WIPI2: variants seen among roughly 807,000 people sequenced by gnomAD.
WIPI2 encodes the protein WD repeat domain phosphoinositide-interacting protein 2.
WIPI2 carries 28 observed loss-of-function variants against 52.3 expected under a neutral mutation model. That is an observed-to-expected ratio of 0.54 (90% CI 0.40 to 0.73). The LOEUF (loss-of-function observed/expected upper bound fraction) is 0.73. Among genes scored for constraint, WIPI2 ranks in the 30% least tolerant of loss-of-function variants. The pLI, the probability that WIPI2 is intolerant of heterozygous loss-of-function variation, is 0.00. For missense variants in WIPI2, 506 were observed against 602.9 expected, an observed-to-expected ratio of 0.84 and a Z score of 1.68; for synonymous variants, 268 against 245.0, an observed-to-expected ratio of 1.09 and a Z score of -0.88.
chr7:5,208,877 G>C lies in WIPI2; in HGVS notation c.212-5658G>C, dbSNP rs773360557. Among the ~76,000 whole-genome samples the C allele has an allele frequency of 4.9e-4, 74 of 152,098 alleles. 1 individual carries two copies. Among genetic ancestry groups the C allele is most frequent in the Non-Finnish European group, 7.4e-5 (5 of 68,014 alleles). On this transcript the variant is annotated intron_variant, in intron 3 of 12. Coordinates refer to ENST00000288828, the MANE Select transcript of WIPI2 (RefSeq NM_015610.4). ...CACTTTGTCTGCAAAAGAGCCTGTT[G>C]GGATTATGATTAGGATGGGATTGGA...
rs756655015 is a variant in WIPI2 at position 5,199,556 on chromosome 7, T to C, written c.129-20T>C. On this transcript the variant is annotated intron_variant, in intron 2 of 12. Transcript: ENST00000288828. ...GTCTGCACGTATCAGCTCTTATTTC[T>C]GAATTTGGCTTTTTTGCAGGTCCCT... 1.8e-5 allele frequency: 29 copies of C among 1,600,584 alleles called. No homozygotes were observed. The highest frequency in any genetic ancestry group is 1.3e-4 in the Admixed American group (7 of 55,982).
chr7:5,211,004 G>C (rs1008544025), intron 3 of WIPI2, among the ~76,000 whole-genome samples: 7 of 152,234 alleles, frequency 4.6e-5, no homozygotes, highest in African/African-American at 1.7e-4. Context: ...ACGACACTCA[G>C]CACTGTGCCA....
intron 7 of WIPI2, among the ~76,000 whole-genome samples, chr7:5,220,488 C>T (rs1783064113): frequency 6.6e-6 from 1 of 151,942 alleles, no homozygotes; most frequent in South Asian, 2.1e-4. Context: ...ATCCACCCGC[C>T]TTGGCCTCCC....
At chr7:5,216,989 GT>G in intron 5 of WIPI2, 100 bp from the exon 6 acceptor site, 1 of 1,214,224 alleles carries the variant, frequency 8.2e-7, no homozygotes, top group Non-Finnish European at 1.2e-6. Flanking sequence ...GCTATTATTT[GT>G]TCCTAATGCT....
chr7:5,191,341 C>T (rs1428468724), intron 1 of WIPI2, among the ~76,000 whole-genome samples: 1 of 152,144 alleles, frequency 6.6e-6, no homozygotes, highest in Non-Finnish European at 1.5e-5. Flanking sequence ...CTTTTTGGGA[C>T]ATCAACTTTG....
At chr7:5,229,809 T>C (rs1323043751) in intron 12 of WIPI2, 71 bp downstream of exon 12, 18 of 1,582,518 alleles carry the variant, frequency 1.1e-5, no homozygotes, top group Non-Finnish European at 1.5e-5. Context: ...TTCTGCTGGC[T>C]CCGGAGCCAC....
Position 5,231,051 on chromosome 7 carries a change from G to T in WIPI2, c.*104G>T. On this transcript the variant is annotated 3_prime_UTR_variant, in exon 13 of 13. Coordinates refer to ENST00000288828, the MANE Select transcript of WIPI2 (RefSeq NM_015610.4). ...TTGACCTGAGTCGGGGGAGAGGATG[G>T]CAGAGACTTTATTAAAAAAAAAAAA... is the stretch of plus-strand genomic sequence containing the variant. The T allele has an allele frequency of 3.5e-6, 3 of 849,610 alleles. No individual in the cohort carries two copies. Among genetic ancestry groups the T allele is most frequent in the East Asian group, 6.2e-5 (2 of 32,438 alleles). The allele number at this position is 849,610 out of a possible 1,614,324, so 52.6% of individuals were successfully genotyped here.
At chr7:5,193,564 C>G (rs1309849547) in intron 2 of WIPI2, among the ~76,000 whole-genome samples, 1 of 152,096 alleles carries the variant, frequency 6.6e-6, no homozygotes, top group African/African-American at 2.4e-5. Context: ...ATCTGTAAAT[C>G]AAGGGTTTGG....
chr7:5,231,086 T>C lies in WIPI2; in HGVS notation c.*139T>C. 1 of 571,372 alleles carries C rather than the reference T, an allele frequency of 1.8e-6. No homozygotes were observed. Among genetic ancestry groups the C allele is most frequent in the South Asian group, 3.1e-5 (1 of 32,424 alleles). 35.4% of individuals were successfully genotyped at this position (571,372 alleles called of 1,614,324 possible). ...TATTAAAAAAAAAAAAAGATTGTAG[T>C]GGTAGTCTAACTCCATAACGCTGAG... On this transcript the variant is annotated 3_prime_UTR_variant, in exon 13 of 13. Coordinates refer to ENST00000288828, the MANE Select transcript of WIPI2 (RefSeq NM_015610.4).
chr7:5,203,349 G>T (rs953001242), intron 3 of WIPI2, among the ~76,000 whole-genome samples: 1 of 152,190 alleles, frequency 6.6e-6, no homozygotes, highest in Non-Finnish European at 1.5e-5. Context: ...TGGCGGAGCC[G>T]CAGACACACA....
chr7:5,209,013 A>ATTTTTTTTTTTTTTTTTTTTTTTT (rs55697377), intron 3 of WIPI2, among the ~76,000 whole-genome samples: 1 of 92,904 alleles, frequency 1.1e-5, no homozygotes, highest in Non-Finnish European at 2.1e-5. Context: ...ATATTCTGTG[A>ATTTTTTTTTTTTTTTTTTTTTTTT]TTTTTTTTTT....
At chr7:5,212,129 G>A (rs1203494797) in intron 3 of WIPI2, among the ~76,000 whole-genome samples, 1 of 152,148 alleles carries the variant, frequency 6.6e-6, no homozygotes, top group Non-Finnish European at 1.5e-5. Flanking sequence ...TGGTCATAAG[G>A]TCCATTCCAT....
At chr7:5,217,738 T>C (rs1297687063) in intron 6 of WIPI2, 184 bp from the exon 7 acceptor site, 1 of 652,776 alleles carries the variant, frequency 1.5e-6, no homozygotes, top group Middle Eastern at 4.3e-4. Context: ...TGCTTTGCTT[T>C]TTCTAAAGTT....
chr7:5,192,355 G>A (rs879275731), intron 1 of WIPI2, among the ~76,000 whole-genome samples: 1 of 152,148 alleles, frequency 6.6e-6, no homozygotes, highest in Non-Finnish European at 1.5e-5. Flanking sequence ...GTATAAATTA[G>A]AGAGTTTCCA....
chr7:5,227,476 T>A lies in WIPI2; in HGVS notation c.1013+132T>A. The A allele has an allele frequency of 7.7e-7, 1 of 1,295,560 alleles. No individual in the cohort carries two copies. Among genetic ancestry groups the A allele is most frequent in the Non-Finnish European group, 1.0e-6 (1 of 964,364 alleles). The allele number at this position is 1,295,560 out of a possible 1,614,324, so 80.3% of individuals were successfully genotyped here. A position where few individuals can be genotyped will look rare whatever the true frequency, so the allele number is the denominator to read the frequency against. On this transcript the variant is annotated intron_variant, in intron 10 of 12. Transcript: ENST00000288828. This position sits in a 1 kb window ranked among gnomAD's most constrained non-coding sequence, Gnocchi z 8.1. ...TTAGAGCCGACACTCCATCGAGAGT[T>A]GTCGGGGATGGGAGGTCCCCTGGCA...
chr7:5,206,739 C>T (rs186036979), intron 3 of WIPI2, among the ~76,000 whole-genome samples: 29 of 152,316 alleles, frequency 1.9e-4, no homozygotes, highest in Middle Eastern at 6.8e-3. Flanking sequence ...TCCTAACACA[C>T]ACACACACAC....
At chr7:5,210,323 A>G in intron 3 of WIPI2, among the ~76,000 whole-genome samples, 1 of 152,218 alleles carries the variant, frequency 6.6e-6, no homozygotes, top group Non-Finnish European at 1.5e-5. Context: ...GTCGCCATAT[A>G]AGCTCCTCGT....
At chr7:5,197,257 T>A (rs1313555005) in intron 2 of WIPI2, among the ~76,000 whole-genome samples, 1 of 151,682 alleles carries the variant, frequency 6.6e-6, no homozygotes, top group Non-Finnish European at 1.5e-5. Context: ...CAGGAAGGTA[T>A]ACAATTTAAG....
chr7:5,194,186 A>G (rs567874068), intron 2 of WIPI2, among the ~76,000 whole-genome samples: 2 of 145,816 alleles, frequency 1.4e-5, no homozygotes, highest in Non-Finnish European at 3.0e-5. Context: ...GAAAGGCCAC[A>G]GGGATATGGA....
Sources: allele counts gnomAD v4.1 joint callset (sites outside exome capture counted in the v4.1 genomes callset), GRCh38; gene constraint gnomAD v4.1.1; non-coding constraint Gnocchi (gnomAD v3.1); transcripts MANE v1.5; gene names NCBI Gene and HGNC (gene_info 2026-07-23, HGNC 2026-07-21).